The following TMEM132D variants were observed in gnomAD, a reference collection of about 807,000 sequenced individuals.
TMEM132D encodes the protein transmembrane protein 132D.
A neutral mutation model predicts 62.3 loss-of-function variants in TMEM132D; 21 were observed. The observed-to-expected ratio is 0.34, with a 90% CI of 0.24 to 0.49. TMEM132D has a LOEUF of 0.49. Ranked by LOEUF, TMEM132D falls within the 20% of genes least tolerant of loss-of-function variation. TMEM132D has a pLI of 0.99. For synonymous variants in TMEM132D, 621 were observed against 575.6 expected (o/e 1.08, Z -1.13); for missense variants, 1,346 against 1,402.8 (o/e 0.96, Z 0.65).
chr12:129,446,641 T>C (rs1435653946), intron 3 of TMEM132D, among the ~76,000 whole-genome samples: 1 of 152,188 alleles, frequency 6.6e-6, no homozygotes, highest in Non-Finnish European at 1.5e-5. Flanking sequence ...CAGAGATGAA[T>C]GATAAAAATA....
intron 4 of TMEM132D, among the ~76,000 whole-genome samples, chr12:129,310,086 G>A (rs558494878): frequency 4.3e-4 from 65 of 150,758 alleles, no homozygotes; most frequent in Middle Eastern, 3.4e-3. Context: ...AGGGCTGGCC[G>A]AGAAGGAAAA....
intron 2 of TMEM132D, among the ~76,000 whole-genome samples, chr12:129,631,235 C>G (rs1879338186): frequency 6.6e-6 from 1 of 152,214 alleles, no homozygotes; most frequent in South Asian, 2.1e-4. Context: ...GCTACTGCGT[C>G]TTTCTCTTTC....
intron 4 of TMEM132D, among the ~76,000 whole-genome samples, chr12:129,227,326 T>TATATATATATATATATATAG (rs57139130): frequency 6.9e-6 from 1 of 143,978 alleles, no homozygotes. Context: ...TATATATATA[T>TATATATATATATATATATAG]GGCGCAAGTC....
intron 1 of TMEM132D, among the ~76,000 whole-genome samples, chr12:129,863,794 G>C (rs529890959): frequency 2.4e-4 from 37 of 151,980 alleles, no homozygotes; most frequent in Admixed American, 4.6e-4. Flanking sequence ...TGTTTTTTTG[G>C]GGGGGGCAGG....
chr12:129,404,155 G>A (rs1871702578), intron 3 of TMEM132D, among the ~76,000 whole-genome samples: 1 of 151,994 alleles, frequency 6.6e-6, no homozygotes, highest in South Asian at 2.1e-4. Context: ...AGGGTATTAG[G>A]CCATTTTGCA....
intron 2 of TMEM132D, among the ~76,000 whole-genome samples, chr12:129,538,573 C>A (rs1275828000): frequency 6.6e-6 from 1 of 151,970 alleles, no homozygotes; most frequent in Non-Finnish European, 1.5e-5. Context: ...TCTACACATA[C>A]CTATGATAAA....
At position 129,409,539 on chromosome 12, in the gene TMEM132D, A is replaced by T. The variant is rs76189944; in HGVS notation, c.1116-71722T>A. Among the ~76,000 whole-genome samples the T allele has an allele frequency of 6.8e-3, 1,042 of 152,322 alleles. 14 individuals carry two copies. Among genetic ancestry groups the T allele is most frequent in the African/African-American group, 0.023 (937 of 41,594 alleles). On this transcript the variant is annotated intron_variant, in intron 3 of 8. Transcript: ENST00000422113. ...GTGAGAGAAATTTTCATCCTGTGGG[A>T]GCTGAGAACCTGGTGGGTGAATCAT...
chr12:129,702,970 G>A (rs774858889), intron 1 of TMEM132D, among the ~76,000 whole-genome samples: 16 of 152,200 alleles, frequency 1.1e-4, no homozygotes, highest in African/African-American at 2.4e-4. Flanking sequence ...CTGGTGATAC[G>A]GGACTAAGGA....
chr12:129,685,298 G>A (rs1045315516), intron 2 of TMEM132D, among the ~76,000 whole-genome samples: 38 of 152,234 alleles, frequency 2.5e-4, no homozygotes, highest in African/African-American at 8.7e-4. Flanking sequence ...TGGGCCCAGG[G>A]CCCCCCTACT....
chr12:129,482,943 ATCTG>A (rs892944439), intron 3 of TMEM132D, among the ~76,000 whole-genome samples: 1 of 95,092 alleles, frequency 1.1e-5, no homozygotes, highest in African/African-American at 4.2e-5. Flanking sequence ...AACATATTTA[ATCTG>A]TGTGTGTGTG....
At chr12:129,148,721 G>A (rs12578694) in intron 5 of TMEM132D, among the ~76,000 whole-genome samples, 51,087 of 152,128 alleles carry the variant, frequency 0.34, 10,206 homozygotes, top group Non-Finnish European at 0.45. Flanking sequence ...TGAACACACC[G>A]ACTTCAGTGG....
At chr12:129,877,251 G>T (rs1055260051) in intron 1 of TMEM132D, among the ~76,000 whole-genome samples, 5 of 151,348 alleles carry the variant, frequency 3.3e-5, no homozygotes, top group African/African-American at 1.2e-4. Flanking sequence ...GAATGAAATA[G>T]AAAGTTCACC....
intron 4 of TMEM132D, among the ~76,000 whole-genome samples, chr12:129,325,820 C>A (rs959496979): frequency 6.6e-6 from 1 of 152,226 alleles, no homozygotes; most frequent in Non-Finnish European, 1.5e-5. Flanking sequence ...CCTTTCAGTT[C>A]TGCCTTCAAC....
chr12:129,632,593 A>G (rs1183462031), intron 2 of TMEM132D, among the ~76,000 whole-genome samples: 1 of 152,208 alleles, frequency 6.6e-6, no homozygotes, highest in African/African-American at 2.4e-5. Flanking sequence ...TGGCCTGCAG[A>G]CATGGCTGTC....
At chr12:129,231,703 G>A (rs933060805) in intron 4 of TMEM132D, among the ~76,000 whole-genome samples, 13 of 152,158 alleles carry the variant, frequency 8.5e-5, no homozygotes, top group East Asian at 5.8e-4. Flanking sequence ...GGCTGAGGTC[G>A]TGGGTTCAAT....
intron 3 of TMEM132D, among the ~76,000 whole-genome samples, chr12:129,472,144 T>C (rs952738600): frequency 5.3e-5 from 8 of 152,176 alleles, no homozygotes; most frequent in African/African-American, 1.9e-4. Context: ...TGCCTTCTGT[T>C]GGAAGAAGAT....
At chr12:129,662,841 T>C (rs1880278336) in intron 2 of TMEM132D, among the ~76,000 whole-genome samples, 1 of 146,452 alleles carries the variant, frequency 6.8e-6, no homozygotes, top group Non-Finnish European at 1.5e-5. Context: ...ATATGAGGTA[T>C]TAACAGGATT....
At chr12:129,396,896 T>A (rs1204357851) in intron 3 of TMEM132D, among the ~76,000 whole-genome samples, 2 of 152,232 alleles carry the variant, frequency 1.3e-5, no homozygotes, top group Non-Finnish European at 2.9e-5. Flanking sequence ...GTTTGCTATG[T>A]CTTTAGGTTT....
intron 1 of TMEM132D, among the ~76,000 whole-genome samples, chr12:129,786,630 C>T (rs1871254171): frequency 1.3e-5 from 2 of 152,188 alleles, no homozygotes; most frequent in South Asian, 4.2e-4. Flanking sequence ...ATAGCTCACG[C>T]CTGTAACCCC....
Sources: gnomAD v4.1 joint callset for allele counts (sites outside exome capture counted in the v4.1 genomes callset) on GRCh38, gnomAD v4.1.1 for gene constraint, MANE v1.5 for transcripts, NCBI Gene and HGNC (gene_info 2026-07-23, HGNC 2026-07-21) for gene names.